The following MYH1 variants were observed in gnomAD, a reference collection of about 807,000 sequenced individuals.
MYH1 encodes myosin-1.
MYH1 carries 214 observed loss-of-function variants against 225.6 expected under a neutral mutation model. The ratio of observed to expected loss-of-function variants is 0.95; its 90% CI spans 0.85 to 1.06. The LOEUF is 1.06. Ranked by LOEUF, MYH1 falls within the 50% of genes least tolerant of loss-of-function variation. The pLI, the probability that MYH1 is intolerant of heterozygous loss-of-function variation, is 0.00. For missense variants in MYH1, 2,098 were observed against 2,344.2 expected (o/e 0.89, Z 2.17); for synonymous variants, 774 against 842.3 (o/e 0.92, Z 1.40).
At chr17:10,497,666 G>T in intron 31 of MYH1, 68 bp downstream of exon 31, 6 of 1,586,836 alleles carry the variant, frequency 3.8e-6, no homozygotes, top group Non-Finnish European at 5.2e-6. Context: ...TTTGAATTGG[G>T]CACACTGAAG....
intron 14 of MYH1, among the ~76,000 whole-genome samples, chr17:10,510,827 A>G (rs1290827784): frequency 6.6e-6 from 1 of 152,040 alleles, no homozygotes; most frequent in Non-Finnish European, 1.5e-5. Context: ...GATGATGAAA[A>G]TGTTCTGAAA....
rs772014630 is a variant in MYH1, at chr17:10,503,009, GT to G, written c.2930del (p.Asn977ThrfsTer3). ...KVEKEKHATENKVKNLTEEMA... is the reference protein window; with the variant it reads ...KVEKEKHATEXKVKNLTEEMA... Reference sequence around the variant, plus strand: ...TACTGTAGAATATGATTGATACCTTGTTTTCTGTGGCATGTTTCTCCTTCTC... The same window carrying G: ...TACTGTAGAATATGATTGATACCTTGTTTCTGTGGCATGTTTCTCCTTCTC... On this transcript the variant is annotated frameshift_variant, in exon 23 of 40. Transcript: ENST00000226207. LOFTEE classifies it high-confidence loss of function. 6.2e-7 allele frequency: 1 copy of G among 1,613,908 alleles called. No homozygotes were observed. The highest frequency in any genetic ancestry group is 8.5e-7 in the Non-Finnish European group (1 of 1,179,994).
rs267604712 is a variant in MYH1 at position 10,501,478 on chromosome 17, C to T, written c.3370G>A (p.Glu1124Lys). 5 of 1,614,122 alleles carry T rather than the reference C, an allele frequency of 3.1e-6. No individual in the cohort carries two copies. The African/African-American group carries it at 6.7e-5, about 22-fold the overall frequency. The part of the protein sequence containing the change: ...ELQARIEELE[E>K]EIEAERASRA... ...GAGGCCCGCTCTGCCTCGATTTCCTCCTCCAGCTCCTCAATGCGGGCCTGG... is the reference window on the plus strand; with the variant it reads ...GAGGCCCGCTCTGCCTCGATTTCCTTCTCCAGCTCCTCAATGCGGGCCTGG... The change falls in exon 27 of 40, where the codon GAG (glutamate) becomes AAG (lysine). Residue 1124 changes from glutamate (E) to lysine (K), a missense_variant. Physicochemically the swap from Glu to Lys is moderately conservative, Grantham distance 56. Coordinates refer to ENST00000226207, the MANE Select transcript of MYH1 (RefSeq NM_005963.4).
Position 10,506,074 on chromosome 17 carries a change from T to A in MYH1, c.1994A>T (p.Asn665Ile). The change falls in exon 18 of 40, where the codon AAC becomes ATC. Residue 665 changes from asparagine to isoleucine, a missense_variant. Asn to Ile is a moderately radical substitution (Grantham distance 149). Coordinates refer to ENST00000226207, the MANE Select transcript of MYH1 (RefSeq NM_005963.4). ...AAAGTGGGGGTGAGTGCTCCTCAAG[T>A]TGGTCATCAGCTTATTCAAATTCTC... ...FRENLNKLMT[N>I]LRSTHPHFVR... 6.2e-7 allele frequency: 1 copy of A among 1,614,210 alleles called. No homozygotes were observed. Among genetic ancestry groups the A allele is most frequent in the Non-Finnish European group, 8.5e-7 (1 of 1,180,030 alleles).
At position 10,505,231 on chromosome 17, in the gene MYH1, A is replaced by T; in HGVS notation, c.2367T>A (p.Ile789=). Residue 789 remains isoleucine, a synonymous_variant, in exon 21 of 40, where the codon ATT becomes ATA. Transcript: ENST00000226207. ...CTCTGCACATGGCCTGGGTTCGGGTAATCAGCTGGGCCAGCTTCTCATCTC... is the reference window on the plus strand; with the variant it reads ...CTCTGCACATGGCCTGGGTTCGGGTTATCAGCTGGGCCAGCTTCTCATCTC... ...EMRDEKLAQL[I]TRTQAMCRGF... is the part of the protein sequence containing the mutation. 1 of 1,614,228 alleles carries T rather than the reference A, an allele frequency of 6.2e-7. No homozygotes were observed. The highest frequency in any genetic ancestry group is 8.5e-7 in the Non-Finnish European group (1 of 1,180,040).
intron 14 of MYH1, 92 bp from the exon 15 acceptor site, chr17:10,509,747 T>C: frequency 6.2e-7 from 1 of 1,606,112 alleles, no homozygotes; most frequent in Non-Finnish European, 8.5e-7. Context: ...AATTGCCCTC[T>C]TAGGATGGTA....
chr17:10,492,835 T>G (rs185920838), intron 39 of MYH1, among the ~76,000 whole-genome samples: 452 of 145,288 alleles, frequency 3.1e-3, no homozygotes, highest in Middle Eastern at 0.028. Context: ...ATATGCCAGG[T>G]GTCCAGCTTT....
chr17:10,514,240 C>G, intron 6 of MYH1, 116 bp from the exon 7 acceptor site: 1 of 1,188,714 alleles, frequency 8.4e-7, no homozygotes, highest in Non-Finnish European at 1.2e-6. Flanking sequence ...TCTTTTCAGC[C>G]TACATATAGC....
At chr17:10,495,153 G>C in intron 36 of MYH1, 39 bp downstream of exon 36, 1 of 1,614,208 alleles carries the variant, frequency 6.2e-7, no homozygotes. Flanking sequence ...AGCACATTAA[G>C]ATTTAAGTTT....
At position 10,494,581 on chromosome 17, in the gene MYH1, T is replaced by A. The variant is rs575159783; in HGVS notation, c.5559A>T (p.Glu1853Asp). 42 of 1,613,850 alleles carry A rather than the reference T, an allele frequency of 2.6e-5. No individual in the cohort carries two copies. In the Middle Eastern group the frequency reaches 8.2e-4, roughly 32 times the overall value. Residue 1853 changes from glutamate to aspartate, a missense_variant, in exon 38 of 40, where the codon GAA becomes GAT. By Grantham distance (45) the Glu-to-Asp change is conservative. Coordinates refer to ENST00000226207, the MANE Select transcript of MYH1 (RefSeq NM_005963.4). ...GLRKHERKVKELTYQTEEDRK... is the reference protein window; with the variant it reads ...GLRKHERKVKDLTYQTEEDRK... ...CCATTTTCCTTACTTGGTAAGTGAGTTCCTTCACTTTTCTCTCATGTTTGC... is the reference window on the plus strand; with the variant it reads ...CCATTTTCCTTACTTGGTAAGTGAGATCCTTCACTTTTCTCTCATGTTTGC...
chr17:10,502,382 A>G (rs369335888), intron 24 of MYH1, among the ~76,000 whole-genome samples: 7 of 152,198 alleles, frequency 4.6e-5, no homozygotes, highest in Non-Finnish European at 8.8e-5. Context: ...TGCTGCTGCT[A>G]TGCTGCCTTC....
intron 2 of MYH1, among the ~76,000 whole-genome samples, chr17:10,517,640 A>G (rs560360845): frequency 6.6e-6 from 1 of 152,328 alleles, no homozygotes; most frequent in East Asian, 1.9e-4. Context: ...CTCAGATAAC[A>G]TAATTAAAAT....
At position 10,494,267 on chromosome 17, in the gene MYH1, C is replaced by G. The variant is rs982905722; in HGVS notation, c.5667+87G>C. 6.2e-6 allele frequency: 8 copies of G among 1,300,546 alleles called. No individual in the cohort carries two copies. In the East Asian group the frequency reaches 1.9e-4, roughly 30 times the overall value. The allele number at this position is 1,300,546 out of a possible 1,614,324, so 80.6% of individuals were successfully genotyped here. On this transcript the variant is annotated intron_variant, in intron 39 of 39. Coordinates refer to ENST00000226207, the MANE Select transcript of MYH1 (RefSeq NM_005963.4). ...CATTTGTTTTCTTTTGATCCTTCCT[C>G]ATTTTACTCATCTTTTCTTTTGTCA...
At position 10,496,168 on chromosome 17, in the gene MYH1, G is replaced by A. The variant is rs752025508; in HGVS notation, c.4966-15C>T. The A allele has an allele frequency of 3.1e-6, 5 of 1,614,148 alleles. No homozygotes were observed. The highest frequency in any genetic ancestry group is 1.1e-5 in the South Asian group (1 of 91,082). Reference sequence around the variant, plus strand: ...AGCTGGGTATCCTGTGGAACAAACCGTCATTGAGACACCATGTATTCAGGG... The same window carrying A: ...AGCTGGGTATCCTGTGGAACAAACCATCATTGAGACACCATGTATTCAGGG... On this transcript the variant is annotated splice_polypyrimidine_tract_variant and intron_variant, in intron 34 of 39. Coordinates refer to ENST00000226207, the MANE Select transcript of MYH1 (RefSeq NM_005963.4).
intron 27 of MYH1, 125 bp downstream of exon 27, chr17:10,500,985 A>G (rs2073047906): frequency 2.0e-6 from 3 of 1,466,232 alleles, no homozygotes; most frequent in South Asian, 1.3e-5. Flanking sequence ...ACTAAGTTGT[A>G]CTATACGTGA....
intron 22 of MYH1, among the ~76,000 whole-genome samples, chr17:10,503,479 T>A (rs2073078419): frequency 6.6e-6 from 1 of 152,192 alleles, no homozygotes; most frequent in South Asian, 2.1e-4. Context: ...TTATAACATA[T>A]ATAATATGTT....
chr17:10,512,751 T>A lies in MYH1; in HGVS notation c.938A>T (p.Tyr313Phe). 6.2e-7 allele frequency: 1 copy of A among 1,614,118 alleles called. No individual in the cohort carries two copies. Residue 313 changes from tyrosine to phenylalanine, a missense_variant, in exon 11 of 40, where the codon TAT becomes TTT. Tyr to Phe is a conservative substitution (Grantham distance 22, BLOSUM62 3). Transcript: ENST00000226207. Reference sequence around the variant, plus strand: ...GATCTCCCCTTGACTGACGAAGGCATAATCGTATGGGTTGGTGGTGATCAG... The same window carrying A: ...GATCTCCCCTTGACTGACGAAGGCAAAATCGTATGGGTTGGTGGTGATCAG... ...MLLITTNPYD[Y>F]AFVSQGEITV...
At chr17:10,516,159 A>G (rs763025783) in intron 4 of MYH1, 40 bp downstream of exon 4, 1 of 1,613,558 alleles carries the variant, frequency 6.2e-7, no homozygotes, top group African/African-American at 1.3e-5. Flanking sequence ...AAAAACTATT[A>G]ACTACTCTCA....
intron 28 of MYH1, among the ~76,000 whole-genome samples, chr17:10,499,843 A>C (rs1158228839): frequency 4.6e-5 from 7 of 152,190 alleles, no homozygotes; most frequent in South Asian, 4.1e-4. Flanking sequence ...GTGTAGAGTG[A>C]TTTTCCAACA....
Sources: gnomAD v4.1 joint callset for allele counts (sites outside exome capture counted in the v4.1 genomes callset) on GRCh38, gnomAD v4.1.1 for gene constraint, MANE v1.5 for transcripts, NCBI Gene and HGNC (gene_info 2026-07-23, HGNC 2026-07-21) for gene names.